MYO7B: variants seen among roughly 807,000 people sequenced by gnomAD.
MYO7B encodes the protein unconventional myosin-VIIb.
A neutral mutation model predicts 259.7 loss-of-function variants in MYO7B; 212 were observed. The ratio of observed to expected loss-of-function variants is 0.82; its 90% CI spans 0.73 to 0.91. The LOEUF is 0.91. Ranked by LOEUF, MYO7B falls within the 40% of genes least tolerant of loss-of-function variation. The pLI is 0.00. For missense variants in MYO7B, 2,732 were observed against 2,813.5 expected (o/e 0.97, Z 0.66); for synonymous variants, 1,197 against 1,166.4 (o/e 1.03, Z -0.54).
chr2:127,565,150 T>C, intron 3 of MYO7B, 83 bp from the exon 4 acceptor site: 1 of 1,523,558 alleles, frequency 6.6e-7, no homozygotes, highest in African/African-American at 1.4e-5. Flanking sequence ...ACCTTGCTGC[T>C]GAGAACTTGG....
At chr2:127,581,747 T>C (rs1679109214) in intron 10 of MYO7B, 144 bp from the exon 11 acceptor site, 2 of 1,093,322 alleles carry the variant, frequency 1.8e-6, no homozygotes, top group Non-Finnish European at 2.5e-6. Context: ...CCCAGGGCCC[T>C]GGCCCTGGCC....
Position 127,576,946 on chromosome 2 carries a change from C to T in MYO7B, c.849+238C>T, listed in dbSNP as rs928395540. ...CCCCAGGCTGGACCCGGGGCCTCCCCGCAGACCTCATCTTCCTTTGGTCCC... is the reference window on the plus strand; with the variant it reads ...CCCCAGGCTGGACCCGGGGCCTCCCTGCAGACCTCATCTTCCTTTGGTCCC... On this transcript the variant is annotated intron_variant, in intron 8 of 47. Transcript: ENST00000409816. This position sits in a 1 kb window ranked among gnomAD's most constrained non-coding sequence, Gnocchi z 4.9. 2.6e-5 allele frequency among the ~76,000 whole-genome samples: 4 copies of T among 152,114 alleles called. No individual in the cohort carries two copies. Among genetic ancestry groups the T allele is most frequent in the East Asian group, 3.9e-4 (2 of 5,164 alleles).
intron 15 of MYO7B, among the ~76,000 whole-genome samples, chr2:127,589,013 T>G (rs1573659843): frequency 7.6e-5 from 4 of 52,538 alleles, no homozygotes; most frequent in African/African-American, 3.0e-4. Flanking sequence ...AGTGAGTGGA[T>G]GGGTGGTGGG....
rs1239442284 is a variant in MYO7B at position 127,582,326 on chromosome 2, T to C, written c.1223T>C (p.Leu408Pro). 4.3e-6 allele frequency: 7 copies of C among 1,613,246 alleles called. No homozygotes were observed. The South Asian group carries it at 7.7e-5, about 18-fold the overall frequency. ...CAGGGCATCTATGGGCACCTCTTCC[T>C]GTGGATTGTCAAGAAGATCAATGCC... ...FVKGIYGHLF[L>P]WIVKKINAAI... is the part of the protein sequence containing the mutation. Residue 408 changes from leucine (L) to proline (P), a missense_variant, in exon 12 of 48, where the codon CTG becomes CCG. Leu to Pro is a moderately conservative substitution (Grantham distance 98, BLOSUM62 -3). Coordinates refer to ENST00000409816, the MANE Select transcript of MYO7B (RefSeq NM_001393586.1).
chr2:127,631,793 G>A lies in MYO7B; in HGVS notation c.5249+40G>A, dbSNP rs955203217. 5.6e-6 allele frequency: 9 copies of A among 1,598,688 alleles called. No homozygotes were observed. The East Asian group carries it at 1.8e-4, about 32-fold the overall frequency. Reference sequence around the variant, plus strand: ...CGGCCAGCCCACGCGGGCACCCTCAGTCCTCATCCCGGCCCCTGAGGCCAG... The same window carrying A: ...CGGCCAGCCCACGCGGGCACCCTCAATCCTCATCCCGGCCCCTGAGGCCAG... On this transcript the variant is annotated intron_variant, in intron 38 of 47. Coordinates refer to ENST00000409816, the MANE Select transcript of MYO7B (RefSeq NM_001393586.1).
rs1162843634 is a variant in MYO7B at position 127,614,595 on chromosome 2, T to C, written c.3398+1992T>C. Among the ~76,000 whole-genome samples the C allele has an allele frequency of 6.6e-6, 1 of 152,166 alleles. No homozygotes were observed. The highest frequency in any genetic ancestry group is 2.4e-5 in the African/African-American group (1 of 41,450). ...ATCAACAGGCTCTATTCTAGTACCCTGGGAGGTGGCAAATGGGCTTCTGGA... is the reference window on the plus strand; with the variant it reads ...ATCAACAGGCTCTATTCTAGTACCCCGGGAGGTGGCAAATGGGCTTCTGGA... On this transcript the variant is annotated intron_variant, in intron 26 of 47. Coordinates refer to ENST00000409816, the MANE Select transcript of MYO7B (RefSeq NM_001393586.1). The surrounding 1 kb of genome is among the most constrained non-coding windows in gnomAD (Gnocchi z 4.6).
intron 2 of MYO7B, among the ~76,000 whole-genome samples, chr2:127,563,075 C>T (rs1222866727): frequency 3.3e-5 from 5 of 152,100 alleles, no homozygotes; most frequent in South Asian, 2.1e-4. Context: ...TTTTTTCATT[C>T]GGCTCTGCCA....
chr2:127,609,543 A>T lies in MYO7B; in HGVS notation c.2852A>T (p.Asp951Val). 1 of 1,613,776 alleles carries T rather than the reference A, an allele frequency of 6.2e-7. No individual in the cohort carries two copies. Among genetic ancestry groups the T allele is most frequent in the Non-Finnish European group, 8.5e-7 (1 of 1,179,782 alleles). Residue 951 changes from aspartate to valine, a missense_variant, in exon 23 of 48, where the codon GAC (aspartate) becomes GTC (valine). By Grantham distance (152) the Asp-to-Val change is radical. Around this residue, in one of 3 missense-constraint regions of MYO7B, gnomAD observed 1,906 missense variants for 2,026.4 expected, o/e 0.94. Transcript: ENST00000409816. The surrounding 1 kb of genome is among the most constrained non-coding windows in gnomAD (Gnocchi z 6.9). ...AAGACCCAGAAGCTGCTTGAGGTTG[A>T]CCTGGACACAGTCCCCATGGCGGAG... is the stretch of plus-strand genomic sequence containing the variant. ...ESKTQKLLEV[D>V]LDTVPMAEEP...
Position 127,623,345 on chromosome 2 carries a change from C to T in MYO7B, c.3789C>T (p.Gly1263=), listed in dbSNP as rs755798715. 2.9e-5 allele frequency: 47 copies of T among 1,606,058 alleles called. No homozygotes were observed. Among genetic ancestry groups the T allele is most frequent in the Non-Finnish European group, 3.3e-5 (39 of 1,176,192 alleles). Residue 1263 remains glycine, a synonymous_variant, in exon 29 of 48, where the codon GGC becomes GGT. Transcript: ENST00000409816. ...AHKQGLSDHL[G]FSLQVAVYDK... ...AGCAGGGCCTCAGCGACCACCTGGGCTTCTCCCTCCAGGTCGCCGTGTACG... is the reference window on the plus strand; with the variant it reads ...AGCAGGGCCTCAGCGACCACCTGGGTTTCTCCCTCCAGGTCGCCGTGTACG...
intron 31 of MYO7B, 132 bp from the exon 32 acceptor site, chr2:127,626,843 G>A (rs1573714142): frequency 1.2e-5 from 10 of 819,350 alleles, no homozygotes; most frequent in Admixed American, 5.0e-5. Flanking sequence ...CCTCCCTACA[G>A]GATCCATCTC....
Position 127,633,261 on chromosome 2 carries a change from G to T in MYO7B, c.5409G>T (p.Thr1803=), listed in dbSNP as rs532897773. The change falls in exon 40 of 48, where the codon ACG becomes ACT. Residue 1803 remains threonine (T), a synonymous_variant. Transcript: ENST00000409816. ...CSRRIQKVLR[T]GPRKQPPHQV... ...CAGCACACGCTGTCCCCCTCAGGAC[G>T]GGGCCCCGGAAGCAGCCCCCGCACC... The T allele has an allele frequency of 6.2e-7, 1 of 1,608,640 alleles. No homozygotes were observed. The highest frequency in any genetic ancestry group is 1.7e-5 in the Admixed American group (1 of 59,578).
rs555292376 is a variant in MYO7B at position 127,624,396 on chromosome 2, C to T, written c.4047+76C>T. 3.6e-5 allele frequency: 49 copies of T among 1,355,352 alleles called. No homozygotes were observed. The East Asian group carries it at 3.8e-4, about 10-fold the overall frequency. 84.0% of individuals were successfully genotyped at this position (1,355,352 alleles called of 1,614,324 possible). Reference sequence around the variant, plus strand: ...TCCCATAGAGGAGGCACCCAACTGGCTTCTGAGGCCAGGTAGAAGGTGGGG... The same window carrying T: ...TCCCATAGAGGAGGCACCCAACTGGTTTCTGAGGCCAGGTAGAAGGTGGGG... On this transcript the variant is annotated intron_variant, in intron 30 of 47. Coordinates refer to ENST00000409816, the MANE Select transcript of MYO7B (RefSeq NM_001393586.1).
chr2:127,571,440 G>T (rs116020578), intron 6 of MYO7B, among the ~76,000 whole-genome samples: 1 of 19,694 alleles, frequency 5.1e-5, no homozygotes, highest in African/African-American at 2.0e-4. Context: ...CCTTACCAGT[G>T]AGTTTTTTTT....
intron 1 of MYO7B, among the ~76,000 whole-genome samples, chr2:127,552,404 G>A (rs988319823): frequency 1.3e-5 from 2 of 152,174 alleles, no homozygotes; most frequent in Non-Finnish European, 2.9e-5. Context: ...ATGAGAACAA[G>A]TTGCTCATGG....
chr2:127,634,851 C>G (rs1681713367), intron 42 of MYO7B, 168 bp downstream of exon 42: 6 of 693,826 alleles, frequency 8.6e-6, no homozygotes, highest in South Asian at 1.8e-5. Context: ...CCAGCTCAGG[C>G]AGAAACAGGT....
At chr2:127,620,599 C>A in intron 27 of MYO7B, 133 bp downstream of exon 27, 2 of 1,124,088 alleles carry the variant, frequency 1.8e-6, no homozygotes, top group African/African-American at 1.6e-5. Context: ...GCCAGATGGG[C>A]AGCCATGCCT....
chr2:127,607,365 A>G lies in MYO7B; in HGVS notation c.2584A>G (p.Ile862Val). The G allele has an allele frequency of 6.4e-7, 1 of 1,551,442 alleles. No homozygotes were observed. Among genetic ancestry groups the G allele is most frequent in the South Asian group, 1.2e-5 (1 of 84,058 alleles). ...GGCCAAGAGGAGGGCAGTGGTGGTC[A>G]TTCAGGCCCATGCCAGGGGCATGGC... Reference protein sequence around the residue: ...VQAKRRAVVVIQAHARGMAAR... With the variant: ...VQAKRRAVVVVQAHARGMAAR... Residue 862 changes from isoleucine to valine, a missense_variant, in exon 21 of 48, where the codon ATT (isoleucine) becomes GTT (valine). Ile to Val is a conservative substitution (Grantham distance 29). Coordinates refer to ENST00000409816, the MANE Select transcript of MYO7B (RefSeq NM_001393586.1). The surrounding 1 kb of genome is among the most constrained non-coding windows in gnomAD (Gnocchi z 4.4).
chr2:127,632,302 C>G lies in MYO7B; in HGVS notation c.5306C>G (p.Pro1769Arg). The change falls in exon 39 of 48, where the codon CCC becomes CGC. Residue 1769 changes from proline (P) to arginine (R), a missense_variant. Pro to Arg is a moderately radical substitution (Grantham distance 103, BLOSUM62 -2). Around this residue, in one of 3 missense-constraint regions of MYO7B, gnomAD observed 821 missense variants for 769.3 expected, o/e 1.07. Coordinates refer to ENST00000409816, the MANE Select transcript of MYO7B (RefSeq NM_001393586.1). ...TGGCTGTGCACGGGCCTCTTCCCGCCCAGCAAGGGGCTGCTGCCCCATGCC... is the reference window on the plus strand; with the variant it reads ...TGGCTGTGCACGGGCCTCTTCCCGCGCAGCAAGGGGCTGCTGCCCCATGCC... ...LLWLCTGLFPPSKGLLPHAQK... is the reference protein window; with the variant it reads ...LLWLCTGLFPRSKGLLPHAQK... The G allele has an allele frequency of 6.2e-7, 1 of 1,611,582 alleles. No homozygotes were observed. The highest frequency in any genetic ancestry group is 8.5e-7 in the Non-Finnish European group (1 of 1,179,396).
rs146560949 is a variant in MYO7B, at chr2:127,569,522, C to T, written c.471-267C>T. ...TCTGTACGTCCTGGGCACTGTGGTG[C>T]TGACCCTGGAATGAATCAGATCCGA... On this transcript the variant is annotated intron_variant, in intron 5 of 47. Coordinates refer to ENST00000409816, the MANE Select transcript of MYO7B (RefSeq NM_001393586.1). Among the ~76,000 whole-genome samples the T allele has an allele frequency of 6.3e-3, 966 of 152,254 alleles. 15 individuals carry two copies. The highest frequency in any genetic ancestry group is 0.022 in the African/African-American group (917 of 41,516).
Sources: gnomAD v4.1 joint callset for allele counts (sites outside exome capture counted in the v4.1 genomes callset) on GRCh38, gnomAD v4.1.1 for gene constraint, gnomAD v4.1.1 regional missense constraint, Gnocchi (gnomAD v3.1) non-coding constraint, MANE v1.5 for transcripts, NCBI Gene and HGNC (gene_info 2026-07-23, HGNC 2026-07-21) for gene names.